The following SMARCAD1 variants were observed in gnomAD, a reference collection of about 807,000 sequenced individuals.
SMARCAD1 encodes SWI/SNF-related matrix-associated actin-dependent regulator of chromatin subfamily A containing DEAD/H box 1.
SMARCAD1 carries 25 observed loss-of-function variants against 127.1 expected under a neutral mutation model. That is an observed-to-expected ratio of 0.20 (90% CI 0.14 to 0.27). The LOEUF is 0.27. SMARCAD1 is among the 10% of genes least tolerant of loss of function. The probability of loss-of-function intolerance (pLI) is 1.00; values close to 1 mark genes in which losing one functional copy is unlikely to be tolerated. For synonymous variants in SMARCAD1, 400 were observed against 396.9 expected (o/e 1.01, Z -0.09); for missense variants, 807 against 1,206.0 (o/e 0.67, Z 4.90).
At chr4:94,275,166 C>A (rs1010960400) in intron 14 of SMARCAD1, among the ~76,000 whole-genome samples, 1 of 152,158 alleles carries the variant, frequency 6.6e-6, no homozygotes, top group East Asian at 1.9e-4. Flanking sequence ...TGAATCACCT[C>A]ATTAATGGTG....
intron 6 of SMARCAD1, among the ~76,000 whole-genome samples, chr4:94,245,351 C>G (rs1748252264): frequency 6.6e-6 from 1 of 152,132 alleles, no homozygotes; most frequent in Admixed American, 6.5e-5. Context: ...TACAAATGAT[C>G]AGATGTTTTA....
chr4:94,241,094 C>A, intron 6 of SMARCAD1, 88 bp downstream of exon 6: 1 of 850,510 alleles, frequency 1.2e-6, no homozygotes, highest in Non-Finnish European at 2.0e-6. Context: ...ACCTGAAAAT[C>A]CACCTAAATG....
At chr4:94,248,149 A>G (rs995311292) in intron 6 of SMARCAD1, among the ~76,000 whole-genome samples, 2 of 152,182 alleles carry the variant, frequency 1.3e-5, no homozygotes, top group Non-Finnish European at 2.9e-5. Context: ...GTTTCCAGCT[A>G]CATCTGTGTT....
intron 3 of SMARCAD1, among the ~76,000 whole-genome samples, chr4:94,229,389 C>T (rs1745478667): frequency 6.6e-6 from 1 of 152,032 alleles, no homozygotes; most frequent in South Asian, 2.1e-4. Context: ...CAATAAATAT[C>T]AAAATGAAAT....
chr4:94,237,061 G>C, intron 5 of SMARCAD1, 43 bp downstream of exon 5: 1 of 1,454,656 alleles, frequency 6.9e-7, no homozygotes, highest in African/African-American at 1.4e-5. Flanking sequence ...TTATTGTTAC[G>C]TCATAATAAT....
chr4:94,284,412 T>G lies in SMARCAD1; in HGVS notation c.2910-548T>G, dbSNP rs532671623. On this transcript the variant is annotated intron_variant, in intron 22 of 23. Coordinates refer to ENST00000354268, the MANE Select transcript of SMARCAD1 (RefSeq NM_020159.5). ...TTTGTTGTAATGTAGTTGTAATGTT[T>G]TGTTTTGTTTTTGAGACAGAGCCTC... 4.3e-4 allele frequency among the ~76,000 whole-genome samples: 65 copies of G among 151,366 alleles called. 1 individual carries two copies. The highest frequency in any genetic ancestry group is 6.9e-4 in the Non-Finnish European group (47 of 67,862).
chr4:94,283,854 C>G (rs951068085), intron 22 of SMARCAD1, among the ~76,000 whole-genome samples: 3 of 151,580 alleles, frequency 2.0e-5, no homozygotes, highest in African/African-American at 7.3e-5. Flanking sequence ...AATTGTCTAC[C>G]CCTTTGAAAA....
At chr4:94,253,725 T>G in intron 9 of SMARCAD1, 1 of 978,040 alleles carries the variant, frequency 1.0e-6, no homozygotes, top group Non-Finnish European at 1.2e-6. Context: ...ATAAACAGGT[T>G]GTATACAGAA....
chr4:94,239,207 A>T (rs190617917), intron 5 of SMARCAD1, among the ~76,000 whole-genome samples: 387 of 152,314 alleles, frequency 2.5e-3, no homozygotes, highest in Non-Finnish European at 4.0e-3. Context: ...TCTAACCTTG[A>T]AGATAAGGTT....
intron 2 of SMARCAD1, among the ~76,000 whole-genome samples, chr4:94,220,468 G>A (rs916764576): frequency 2.0e-5 from 3 of 151,992 alleles, no homozygotes; most frequent in Admixed American, 1.3e-4. Flanking sequence ...GATTGCTCTC[G>A]AACTCCTGAC....
intron 9 of SMARCAD1, among the ~76,000 whole-genome samples, chr4:94,257,078 A>G (rs1434394585): frequency 6.6e-6 from 1 of 152,212 alleles, no homozygotes; most frequent in African/African-American, 2.4e-5. Flanking sequence ...TGTTTTTGAA[A>G]GAAAAAAGTC....
chr4:94,256,028 T>C (rs1750022100), intron 9 of SMARCAD1, among the ~76,000 whole-genome samples: 1 of 152,206 alleles, frequency 6.6e-6, no homozygotes, highest in Non-Finnish European at 1.5e-5. Context: ...TTTCACACAT[T>C]TGATGGCATC....
chr4:94,214,607 A>G (rs575464194), intron 2 of SMARCAD1, among the ~76,000 whole-genome samples: 1 of 152,194 alleles, frequency 6.6e-6, no homozygotes, highest in Admixed American at 6.5e-5. Context: ...TGGAGAGGGA[A>G]GGACTGAGGG....
chr4:94,283,420 C>T (rs905883662), intron 22 of SMARCAD1, 117 bp downstream of exon 22: 1 of 886,264 alleles, frequency 1.1e-6, no homozygotes, highest in South Asian at 1.4e-5. Flanking sequence ...CAAAGCATGG[C>T]TACTGATGTA....
chr4:94,255,291 A>G lies in SMARCAD1; in HGVS notation c.1281+2284A>G, dbSNP rs1000963744. ...TGGGGAATTTCTATTTACAAACTGT[A>G]AAGTTCATAAATATTTCATTAAAAA... On this transcript the variant is annotated intron_variant, in intron 9 of 23. Coordinates refer to ENST00000354268, the MANE Select transcript of SMARCAD1 (RefSeq NM_020159.5). Among the ~76,000 whole-genome samples the G allele has an allele frequency of 2.0e-5, 3 of 152,162 alleles. No individual in the cohort carries two copies. The East Asian group carries it at 5.8e-4, about 29-fold the overall frequency.
intron 9 of SMARCAD1, among the ~76,000 whole-genome samples, chr4:94,258,390 A>G (rs1750444504): frequency 6.6e-6 from 1 of 151,990 alleles, no homozygotes; most frequent in Non-Finnish European, 1.5e-5. Context: ...CCTGACCTCA[A>G]GTGATCCGCT....
At chr4:94,275,803 T>TTATTTTATTTTATTTTTA (rs1753199270) in intron 14 of SMARCAD1, among the ~76,000 whole-genome samples, 2 of 145,160 alleles carry the variant, frequency 1.4e-5, no homozygotes, top group Non-Finnish European at 3.0e-5. Flanking sequence ...TTTCTTTTTT[T>TTATTTTATTTTATTTTTA]TTTTTTTTTT....
At chr4:94,242,267 A>G (rs1579149445) in intron 6 of SMARCAD1, among the ~76,000 whole-genome samples, 2 of 150,210 alleles carry the variant, frequency 1.3e-5, no homozygotes, top group South Asian at 4.2e-4. Flanking sequence ...CTGGTCTCGA[A>G]CTCCTGACCT....
intron 3 of SMARCAD1, among the ~76,000 whole-genome samples, chr4:94,232,910 A>T (rs1746066567): frequency 2.0e-5 from 3 of 152,146 alleles, no homozygotes; most frequent in Admixed American, 6.5e-5. Flanking sequence ...AGCCTGTAAG[A>T]CAAAGGTTGC....
Sources: allele counts gnomAD v4.1 joint callset (sites outside exome capture counted in the v4.1 genomes callset), GRCh38; gene constraint gnomAD v4.1.1; transcripts MANE v1.5; gene names NCBI Gene and HGNC (gene_info 2026-07-23, HGNC 2026-07-21).